TXNDC9: variants seen among roughly 807,000 people sequenced by gnomAD.
TXNDC9 encodes thioredoxin domain-containing protein 9.
Under a neutral mutation model 23.0 loss-of-function variants are expected in TXNDC9, and 7 were observed. That is an observed-to-expected ratio of 0.30 (90% CI 0.17 to 0.57). TXNDC9 has a LOEUF of 0.57. TXNDC9 is among the 20% of genes least tolerant of loss of function. TXNDC9 has a pLI of 0.90. For missense variants in TXNDC9, 198 were observed against 252.6 expected (o/e 0.78, Z 1.47); for synonymous variants, 72 against 90.6 (o/e 0.79, Z 1.17).
chr2:99,311,709 C>G, the TXNDC9 span, among the ~76,000 whole-genome samples: 67 of 152,224 alleles, frequency 4.4e-4, no homozygotes, highest in Non-Finnish European at 8.5e-4. Flanking sequence ...TCAAGCCATC[C>G]TCTGTCCTTG....
At chr2:99,315,996 G>T (rs1369182877), downstream of TXNDC9, among the ~76,000 whole-genome samples, 2 of 152,078 alleles carry the variant, frequency 1.3e-5, no homozygotes, top group Non-Finnish European at 2.9e-5. Flanking sequence ...TCTGGGAGTG[G>T]AGGTTTTTGT....
In TXNDC9 at chr2:99,322,033, G is replaced by C; in HGVS notation, c.485C>G (p.Thr162Ser). Residue 162 changes from threonine to serine, a missense_variant, in exon 4 of 5, where the codon ACT becomes AGT. Physicochemically the swap from Thr to Ser is moderately conservative, Grantham distance 58. Coordinates refer to ENST00000264255, the MANE Select transcript of TXNDC9 (RefSeq NM_005783.4). Reference protein sequence around the residue: ...GKTQDYVVGFTDLGNTDDFTT... With the variant: ...GKTQDYVVGFSDLGNTDDFTT... ...GAAGTCATCTGTATTTCCTAGGTCA[G>C]TAAACCCAACAACATAATCTTGTGT... 2 of 1,614,120 alleles carry C rather than the reference G, an allele frequency of 1.2e-6. No individual in the cohort carries two copies. Among genetic ancestry groups the C allele is most frequent in the Non-Finnish European group, 1.7e-6 (2 of 1,180,024 alleles).
downstream of TXNDC9, among the ~76,000 whole-genome samples, chr2:99,317,169 T>A (rs1024157738): frequency 6.6e-6 from 1 of 152,224 alleles, no homozygotes; most frequent in African/African-American, 2.4e-5. Context: ...AACACACTTA[T>A]AATAATGCTT....
intron 2 of TXNDC9, among the ~76,000 whole-genome samples, chr2:99,332,104 T>C (rs1428974732): frequency 6.6e-6 from 1 of 152,234 alleles, no homozygotes; most frequent in East Asian, 1.9e-4. Flanking sequence ...CCAGAGTTGG[T>C]GATAAAGTAT....
At chr2:99,315,296 A>T (rs1166562237), downstream of TXNDC9, among the ~76,000 whole-genome samples, 1 of 151,702 alleles carries the variant, frequency 6.6e-6, no homozygotes, top group Non-Finnish European at 1.5e-5. Context: ...CGATCTCCTG[A>T]CCTCGTGATC....
At chr2:99,309,644 G>GCCGA in the TXNDC9 span, among the ~76,000 whole-genome samples, 1 of 152,086 alleles carries the variant, frequency 6.6e-6, no homozygotes, top group Non-Finnish European at 1.5e-5. Context: ...GACCAGCCTG[G>GCCGA]CCGACATGGT....
intron 2 of TXNDC9, among the ~76,000 whole-genome samples, chr2:99,328,626 CT>C (rs2094218232): frequency 6.6e-6 from 1 of 152,074 alleles, no homozygotes; most frequent in African/African-American, 2.4e-5. Context: ...TCCATGTACT[CT>C]TAAACTACTA....
chr2:99,329,482 G>A (rs1038138246), intron 2 of TXNDC9, among the ~76,000 whole-genome samples: 30 of 152,302 alleles, frequency 2.0e-4, no homozygotes, highest in African/African-American at 7.2e-4. Context: ...GTCAGTGAAC[G>A]TGGCCCAGAC....
downstream of TXNDC9, among the ~76,000 whole-genome samples, chr2:99,315,307 T>C (rs1224849847): frequency 1.3e-5 from 2 of 152,018 alleles, no homozygotes; most frequent in Admixed American, 6.6e-5. Flanking sequence ...CCTCGTGATC[T>C]GCCCGCCTTG....
Position 99,332,876 on chromosome 2 carries a change from G to C in TXNDC9, c.189+146C>G. 9.1e-6 allele frequency: 6 copies of C among 657,854 alleles called. No homozygotes were observed. In the South Asian group the frequency reaches 1.3e-4, roughly 14 times the overall value. The allele number at this position is 657,854 out of a possible 1,614,324, so 40.8% of individuals were successfully genotyped here. On this transcript the variant is annotated intron_variant, in intron 2 of 4. Transcript: ENST00000264255. ...ATGTCTTTAAAACATATTTTTTTCTGGGCAAATTTTTAACAGTAATAGGTA... is the reference window on the plus strand; with the variant it reads ...ATGTCTTTAAAACATATTTTTTTCTCGGCAAATTTTTAACAGTAATAGGTA...
At chr2:99,322,360 T>C in intron 3 of TXNDC9, 151 bp from the exon 4 acceptor site, 2 of 1,267,922 alleles carry the variant, frequency 1.6e-6, no homozygotes, top group Admixed American at 2.9e-5. Flanking sequence ...ATGACCTCAC[T>C]TCCAGATCAG....
chr2:99,320,302 C>T (rs1405812087), intron 4 of TXNDC9, among the ~76,000 whole-genome samples: 3 of 152,200 alleles, frequency 2.0e-5, no homozygotes, highest in Admixed American at 6.6e-5. Flanking sequence ...GCCACTGCAC[C>T]AGACCTATTT....
chr2:99,334,788 T>C (rs1429105971), intron 1 of TXNDC9, among the ~76,000 whole-genome samples: 2 of 152,200 alleles, frequency 1.3e-5, no homozygotes, highest in Admixed American at 6.5e-5. Flanking sequence ...CTCCGCTCAC[T>C]GCTAGCTCCG....
At chr2:99,311,247 T>G in the TXNDC9 span, among the ~76,000 whole-genome samples, 1 of 152,148 alleles carries the variant, frequency 6.6e-6, no homozygotes. Flanking sequence ...TTTTTTATCT[T>G]TTGTGGAGAT....
chr2:99,313,261 A>C, the TXNDC9 span, among the ~76,000 whole-genome samples: 1 of 152,180 alleles, frequency 6.6e-6, no homozygotes, highest in Non-Finnish European at 1.5e-5. Flanking sequence ...ATAGAGACAG[A>C]GTCTTGCTTT....
chr2:99,322,276 C>T (rs1404451504), intron 3 of TXNDC9, 67 bp from the exon 4 acceptor site: 1 of 1,539,232 alleles, frequency 6.5e-7, no homozygotes, highest in African/African-American at 1.4e-5. Context: ...AAATAAATAT[C>T]ATCAAGGGAA....
chr2:99,336,179 A>T, intron 1 of TXNDC9, 60 bp downstream of exon 1: 1 of 983,796 alleles, frequency 1.0e-6, no homozygotes. Flanking sequence ...GTGGAGCAGC[A>T]GAATGTTCAC....
At chr2:99,322,377 G>A in intron 3 of TXNDC9, 168 bp from the exon 4 acceptor site, 1 of 1,218,360 alleles carries the variant, frequency 8.2e-7, no homozygotes, top group Non-Finnish European at 1.1e-6. Context: ...TCAGAGGTTA[G>A]CTGCCTGATT....
At chr2:99,336,114 C>T (rs2094239379) in intron 1 of TXNDC9, 125 bp downstream of exon 1, 1 of 847,770 alleles carries the variant, frequency 1.2e-6, no homozygotes, top group Non-Finnish European at 1.4e-6. Flanking sequence ...GCGCAAGAGC[C>T]TCTGCCAGGA....
Sources: gnomAD v4.1 joint callset for allele counts (sites outside exome capture counted in the v4.1 genomes callset) on GRCh38, gnomAD v4.1.1 for gene constraint, MANE v1.5 for transcripts, NCBI Gene and HGNC (gene_info 2026-07-23, HGNC 2026-07-21) for gene names.